The following ZMYM1 variants were observed in gnomAD, a reference collection of about 807,000 sequenced individuals.
ZMYM1 encodes zinc finger MYM-type protein 1.
Under a neutral mutation model 60.0 loss-of-function variants are expected in ZMYM1, and 39 were observed. That is an observed-to-expected ratio of 0.65 (90% CI 0.50 to 0.85). The LOEUF is 0.85. ZMYM1 is among the 40% of genes least tolerant of loss of function. The pLI, the probability that ZMYM1 is intolerant of heterozygous loss-of-function variation, is 0.00. For missense variants in ZMYM1, 1,171 were observed against 1,309.5 expected (o/e 0.89, Z 1.63); for synonymous variants, 413 against 454.0 (o/e 0.91, Z 1.15).
At chr1:35,097,714 G>T (rs776794165) in intron 4 of ZMYM1, 148 bp downstream of exon 4, 15 of 901,190 alleles carry the variant, frequency 1.7e-5, no homozygotes, top group Non-Finnish European at 2.4e-5. Context: ...GCACGATCTC[G>T]GCTCACTGCA....
intron 1 of ZMYM1, among the ~76,000 whole-genome samples, chr1:35,065,558 A>G (rs1039739265): frequency 6.6e-6 from 1 of 151,916 alleles, no homozygotes; most frequent in Non-Finnish European, 1.5e-5. Flanking sequence ...GTGGTTGGCC[A>G]AGAGTCAACT....
chr1:35,060,597 C>T (rs1641856072), intron 1 of ZMYM1, among the ~76,000 whole-genome samples: 1 of 152,164 alleles, frequency 6.6e-6, no homozygotes, highest in Admixed American at 6.5e-5. Context: ...GCAGAGGTAG[C>T]TCTCAGTCTG....
At chr1:35,088,805 C>CTTTTTTTT (rs375136566) in intron 1 of ZMYM1, among the ~76,000 whole-genome samples, 18 of 119,600 alleles carry the variant, frequency 1.5e-4, no homozygotes, top group Non-Finnish European at 1.5e-4. Flanking sequence ...GGATGCTTTC[C>CTTTTTTTT]TTTTTTTTTT....
At chr1:35,112,486 T>TTATATA (rs556558531) in intron 9 of ZMYM1, among the ~76,000 whole-genome samples, 1,911 of 145,358 alleles carry the variant, frequency 0.013, 50 homozygotes, top group African/African-American at 0.045. Flanking sequence ...CCCAGATTTT[T>TTATATA]TATATATATA....
At chr1:35,111,244 A>G (rs76652365) in intron 7 of ZMYM1, among the ~76,000 whole-genome samples, 4,720 of 152,300 alleles carry the variant, frequency 0.031, 254 homozygotes, top group African/African-American at 0.1. Context: ...TAAGTATTCC[A>G]TCAAAAAGCC....
chr1:35,067,141 G>T, intron 1 of ZMYM1, among the ~76,000 whole-genome samples: 1 of 151,942 alleles, frequency 6.6e-6, no homozygotes, highest in East Asian at 1.9e-4. Context: ...ACTACGCCTG[G>T]CTAATTTTTG....
At chr1:35,064,777 C>G (rs1641941120) in intron 1 of ZMYM1, among the ~76,000 whole-genome samples, 1 of 150,052 alleles carries the variant, frequency 6.7e-6, no homozygotes, top group South Asian at 2.1e-4. Context: ...AGCTCCACCT[C>G]CCGGGTTCAC....
chr1:35,105,194 G>A (rs1643859271), intron 6 of ZMYM1, among the ~76,000 whole-genome samples: 2 of 147,734 alleles, frequency 1.4e-5, no homozygotes, highest in Non-Finnish European at 3.0e-5. Context: ...GAGTGCGGTG[G>A]CGCGATCTCG....
chr1:35,087,610 T>C (rs1478131384), intron 1 of ZMYM1, among the ~76,000 whole-genome samples: 6 of 152,058 alleles, frequency 3.9e-5, no homozygotes, highest in African/African-American at 1.2e-4. Context: ...GTATTTTTAG[T>C]AGAGACAGGG....
At position 35,113,370 on chromosome 1, in the gene ZMYM1, G is replaced by A; in HGVS notation, c.1540G>A (p.Glu514Lys). Residue 514 changes from glutamate (E) to lysine (K), a missense_variant, in exon 10 of 10, where the codon GAA (glutamate) becomes AAA (lysine). By Grantham distance (56) the Glu-to-Lys change is moderately conservative. Coordinates refer to ENST00000359858, the MANE Select transcript of ZMYM1 (RefSeq NM_024772.5). The part of the protein sequence containing the change: ...KKTLEKFRKH[E>K]KSEMHLKSLE... ...AACCCTGGAAAAATTCAGAAAGCAT[G>A]AAAAAAGTGAAATGCATTTGAAGTC... 6.2e-7 allele frequency: 1 copy of A among 1,613,320 alleles called. No homozygotes were observed. Among genetic ancestry groups the A allele is most frequent in the South Asian group, 1.1e-5 (1 of 90,844 alleles).
chr1:35,082,632 G>T lies in ZMYM1; in HGVS notation c.-75+3190G>T, dbSNP rs563884481. On this transcript the variant is annotated intron_variant, in intron 1 of 9. Coordinates refer to ENST00000359858, the MANE Select transcript of ZMYM1 (RefSeq NM_024772.5). ...AGGCGTGAGCCACCACGCCTGGCCT[G>T]CTTTCCAACTTTTATGCTAAATTCC... Among the ~76,000 whole-genome samples the T allele has an allele frequency of 1.7e-3, 254 of 151,348 alleles. 3 individuals are homozygous for T. The highest frequency in any genetic ancestry group is 5.8e-3 in the African/African-American group (239 of 41,328).
At chr1:35,117,410 C>G (rs1469908466), downstream of ZMYM1, among the ~76,000 whole-genome samples, 6 of 151,960 alleles carry the variant, frequency 3.9e-5, no homozygotes, top group East Asian at 2.0e-4. Context: ...ACCTCCACCT[C>G]GCGGGTTCAA....
At position 35,114,352 on chromosome 1, in the gene ZMYM1, G is replaced by A; in HGVS notation, c.2522G>A (p.Ser841Asn). 6.2e-7 allele frequency: 1 copy of A among 1,611,862 alleles called. No individual in the cohort carries two copies. The highest frequency in any genetic ancestry group is 1.3e-5 in the African/African-American group (1 of 74,976). Reference protein sequence around the residue: ...EVIASHSSNTSFADELSHLLT... With the variant: ...EVIASHSSNTNFADELSHLLT... Reference sequence around the variant, plus strand: ...ATAGCAAGCCATTCTTCAAATACAAGTTTCGCCGATGAATTGAGTCATTTG... The same window carrying A: ...ATAGCAAGCCATTCTTCAAATACAAATTTCGCCGATGAATTGAGTCATTTG... The change falls in exon 10 of 10, where the codon AGT (serine) becomes AAT (asparagine). Residue 841 changes from serine (S) to asparagine (N), a missense_variant. Coordinates refer to ENST00000359858, the MANE Select transcript of ZMYM1 (RefSeq NM_024772.5).
rs71029065 is a variant in ZMYM1 at position 35,089,738 on chromosome 1, C to CTTTTTTTTTTTTT, written c.-74-4163_-74-4151dup. Among the ~76,000 whole-genome samples, 17 of 60,992 alleles carry CTTTTTTTTTTTTT rather than the reference C, an allele frequency of 2.8e-4. 3 individuals are homozygous for CTTTTTTTTTTTTT. Among genetic ancestry groups the CTTTTTTTTTTTTT allele is most frequent in the Admixed American group, 6.7e-4 (2 of 2,980 alleles). The allele number at this position is 60,992 out of a possible 152,430, so 40.0% of individuals were successfully genotyped here. A position where few individuals can be genotyped will look rare whatever the true frequency, so the allele number is the denominator to read the frequency against. ...CCCTCCATAATGATTAGTTGTAAGGCTTTTTTTTTTTTTTTTTTTTTTTTT... is the reference window on the plus strand; with the variant it reads ...CCCTCCATAATGATTAGTTGTAAGGCTTTTTTTTTTTTTTTTTTTTTTTTTTTTTTTTTTTTTT... On this transcript the variant is annotated intron_variant, in intron 1 of 9. Transcript: ENST00000359858.
At chr1:35,115,898 G>C (rs527721552), downstream of ZMYM1, 1 of 152,268 alleles carries the variant, frequency 6.6e-6, no homozygotes, top group South Asian at 2.1e-4. Flanking sequence ...TAAAAATGGC[G>C]TTTTAATCTC....
At chr1:35,084,650 C>T (rs1438736192) in intron 1 of ZMYM1, among the ~76,000 whole-genome samples, 1 of 152,220 alleles carries the variant, frequency 6.6e-6, no homozygotes, top group Non-Finnish European at 1.5e-5. Flanking sequence ...CTCTATCTTG[C>T]TGGTCTTAAA....
chr1:35,074,755 G>A (rs1642137425), upstream of ZMYM1, among the ~76,000 whole-genome samples: 1 of 151,998 alleles, frequency 6.6e-6, no homozygotes, highest in African/African-American at 2.4e-5. Flanking sequence ...TTGAGGGTGG[G>A]GTGTTGAAGT....
downstream of ZMYM1, among the ~76,000 whole-genome samples, chr1:35,117,474 C>T (rs945580444): frequency 4.6e-5 from 7 of 151,910 alleles, no homozygotes; most frequent in African/African-American, 1.7e-4. Flanking sequence ...TGCCCACCAC[C>T]ACGCCTGGCT....
chr1:35,101,631 AC>A (rs1370716352), intron 4 of ZMYM1, among the ~76,000 whole-genome samples: 3 of 151,200 alleles, frequency 2.0e-5, no homozygotes, highest in African/African-American at 7.3e-5. Flanking sequence ...CTCTCCTCTT[AC>A]AACCGCCCAC....
Sources: gnomAD v4.1 joint callset for allele counts (sites outside exome capture counted in the v4.1 genomes callset) on GRCh38, gnomAD v4.1.1 for gene constraint, MANE v1.5 for transcripts, NCBI Gene and HGNC (gene_info 2026-07-23, HGNC 2026-07-21) for gene names.